CFAP69: variants seen among roughly 807,000 people sequenced by gnomAD.
CFAP69 encodes the protein cilia and flagella associated protein 69, also known as cilia- and flagella-associated protein 69.
CFAP69 carries 92 observed loss-of-function variants against 123.0 expected under a neutral mutation model. That is an observed-to-expected ratio of 0.75 (90% CI 0.63 to 0.89). CFAP69 has a LOEUF of 0.89. CFAP69 is among the 40% of genes least tolerant of loss of function. The probability of loss-of-function intolerance (pLI) is 0.00; values close to 1 mark genes in which losing one functional copy is unlikely to be tolerated. For synonymous variants in CFAP69, 380 were observed against 364.3 expected, an observed-to-expected ratio of 1.04 and a Z score of -0.49; for missense variants, 1,067 against 1,096.9, an observed-to-expected ratio of 0.97 and a Z score of 0.39.
intron 17 of CFAP69, chr7:90,303,513 A>G (rs1430794365): frequency 1.8e-5 from 17 of 925,454 alleles, no homozygotes; most frequent in Admixed American, 6.2e-5. Context: ...AAATGTAAAT[A>G]CTTCCCCTTC....
chr7:90,319,252 G>A, the CFAP69 span: 1 of 395,042 alleles, frequency 2.5e-6, no homozygotes, highest in East Asian at 3.6e-5. Flanking sequence ...ACTAAATATG[G>A]TAAATTTGCT....
At chr7:90,304,455 A>T in intron 18 of CFAP69, 1 of 1,216,194 alleles carries the variant, frequency 8.2e-7, no homozygotes, top group South Asian at 2.5e-5. Context: ...AGTTTATCAA[A>T]CACTCTTCAG....
At chr7:90,264,083 T>A (rs1798714155) in intron 4 of CFAP69, among the ~76,000 whole-genome samples, 2 of 88,436 alleles carry the variant, frequency 2.3e-5, no homozygotes. Flanking sequence ...AGAGCAAGAC[T>A]CCATCTCGAA....
intron 13 of CFAP69, among the ~76,000 whole-genome samples, chr7:90,285,127 G>A (rs1367713342): frequency 1.3e-5 from 2 of 152,124 alleles, no homozygotes; most frequent in Non-Finnish European, 2.9e-5. Flanking sequence ...GAAAGAAGAA[G>A]CAGAACTATG....
At chr7:90,285,599 A>G (rs1790155415) in intron 13 of CFAP69, among the ~76,000 whole-genome samples, 1 of 152,302 alleles carries the variant, frequency 6.6e-6, no homozygotes, top group Admixed American at 6.5e-5. Context: ...GTTAGACATC[A>G]AGGAAAGATG....
chr7:90,273,555 A>G (rs1157462935), intron 8 of CFAP69, among the ~76,000 whole-genome samples: 1 of 152,210 alleles, frequency 6.6e-6, no homozygotes, highest in East Asian at 1.9e-4. Context: ...GAATAGTATA[A>G]TATAAAAAGG....
Position 90,306,796 on chromosome 7 carries a change from T to TGTTCCTG in CFAP69, c.2266-105_2266-104insGTTCCTG, listed in dbSNP as rs1249797481. On this transcript the variant is annotated intron_variant, in intron 19 of 22. Coordinates refer to ENST00000389297, the MANE Select transcript of CFAP69 (RefSeq NM_001039706.3). ...TTCCCAGGAAGTAATTTAGGAAAAGTTTAAGTGTTAACAGGAGTGACTAAC... is the reference window on the plus strand; with the variant it reads ...TTCCCAGGAAGTAATTTAGGAAAAGTGTTCCTGTTAAGTGTTAACAGGAGTGACTAAC... 31 of 712,420 alleles carry TGTTCCTG rather than the reference T, an allele frequency of 4.4e-5. No individual in the cohort carries two copies. In the African/African-American group the frequency reaches 5.4e-4, roughly 13 times the overall value. 44.1% of individuals were successfully genotyped at this position (712,420 alleles called of 1,614,324 possible). A position where few individuals can be genotyped will look rare whatever the true frequency, so the allele number is the denominator to read the frequency against.
chr7:90,248,731 T>G (rs1402149556), intron 1 of CFAP69, among the ~76,000 whole-genome samples: 2 of 152,222 alleles, frequency 1.3e-5, no homozygotes, highest in African/African-American at 2.4e-5. Flanking sequence ...ACTGTAGTGA[T>G]TCCAGCGTCT....
chr7:90,303,790 G>A (rs1793158296), intron 17 of CFAP69, 179 bp from the exon 18 acceptor site: 1 of 1,183,548 alleles, frequency 8.4e-7, no homozygotes, highest in Non-Finnish European at 1.0e-6. Context: ...GCCACAGAGT[G>A]GGGAAGAAAT....
At chr7:90,283,586 C>A (rs886419458) in intron 13 of CFAP69, among the ~76,000 whole-genome samples, 1 of 152,060 alleles carries the variant, frequency 6.6e-6, no homozygotes, top group Admixed American at 6.6e-5. Flanking sequence ...TTACCCTATA[C>A]GTCATCAATT....
At chr7:90,303,692 T>C in intron 17 of CFAP69, 3 of 996,792 alleles carry the variant, frequency 3.0e-6, no homozygotes, top group Non-Finnish European at 3.6e-6. Flanking sequence ...TTTTTTAAAT[T>C]ATTTACATAG....
intron 13 of CFAP69, among the ~76,000 whole-genome samples, chr7:90,283,586 C>T (rs886419458): frequency 1.3e-5 from 2 of 152,178 alleles, no homozygotes; most frequent in East Asian, 1.9e-4. Context: ...TTACCCTATA[C>T]GTCATCAATT....
intron 5 of CFAP69, among the ~76,000 whole-genome samples, chr7:90,267,930 T>C (rs1050823660): frequency 1.3e-5 from 2 of 152,202 alleles, no homozygotes; most frequent in Non-Finnish European, 2.9e-5. Flanking sequence ...ACCTGCTTAA[T>C]AGATGAGAAA....
intron 8 of CFAP69, among the ~76,000 whole-genome samples, chr7:90,273,569 A>G (rs1176559016): frequency 2.6e-5 from 4 of 152,100 alleles, no homozygotes; most frequent in African/African-American, 9.7e-5. Context: ...AAAAAGGGAG[A>G]TTTTGTTGAT....
chr7:90,246,089 G>A (rs998923941), intron 1 of CFAP69, among the ~76,000 whole-genome samples: 5 of 152,184 alleles, frequency 3.3e-5, no homozygotes, highest in Admixed American at 1.3e-4. Context: ...GTTGTTACAC[G>A]TTGGGTCGGA....
At chr7:90,249,834 G>T (rs1796756827) in intron 1 of CFAP69, among the ~76,000 whole-genome samples, 1 of 152,068 alleles carries the variant, frequency 6.6e-6, no homozygotes, top group Non-Finnish European at 1.5e-5. Context: ...CTGCTAGTTG[G>T]AGGACCTCAT....
At position 90,280,363 on chromosome 7, in the gene CFAP69, A is replaced by C. The variant is rs539595566; in HGVS notation, c.1372+470A>C. 5.9e-5 allele frequency among the ~76,000 whole-genome samples: 9 copies of C among 152,202 alleles called. No individual in the cohort carries two copies. The East Asian group carries it at 1.7e-3, about 29-fold the overall frequency. On this transcript the variant is annotated intron_variant, in intron 12 of 22. Transcript: ENST00000389297. Reference sequence around the variant, plus strand: ...CAAGTTCATGCCACCACACGAAGCTAATTTTTGTATTTTATATAGACAGGG... The same window carrying C: ...CAAGTTCATGCCACCACACGAAGCTCATTTTTGTATTTTATATAGACAGGG...
At chr7:90,307,974 T>A in intron 21 of CFAP69, 120 bp downstream of exon 21, 2 of 569,742 alleles carry the variant, frequency 3.5e-6, no homozygotes, top group Non-Finnish European at 6.1e-6. Context: ...ATACCAGCAC[T>A]ATTAGATGCT....
chr7:90,309,258 C>A lies in CFAP69; in HGVS notation c.2551-5C>A. 1.4e-6 allele frequency: 2 copies of A among 1,396,392 alleles called. No individual in the cohort carries two copies. Among genetic ancestry groups the A allele is most frequent in the Admixed American group, 2.3e-5 (1 of 42,906 alleles). 86.5% of individuals were successfully genotyped at this position (1,396,392 alleles called of 1,614,324 possible). A position where few individuals can be genotyped will look rare whatever the true frequency, so the allele number is the denominator to read the frequency against. The stretch of plus-strand genomic sequence containing the variant: ...ATATTTTCTTTCTAATTTAAAAATC[C>A]TCAGAAAGCAAAAAGCCTTCAAGAA... On this transcript the variant is annotated splice_region_variant and splice_polypyrimidine_tract_variant and intron_variant, in intron 21 of 22. Coordinates refer to ENST00000389297, the MANE Select transcript of CFAP69 (RefSeq NM_001039706.3).
Sources: gnomAD v4.1 joint callset for allele counts (sites outside exome capture counted in the v4.1 genomes callset) on GRCh38, gnomAD v4.1.1 for gene constraint, MANE v1.5 for transcripts, NCBI Gene and HGNC (gene_info 2026-07-23, HGNC 2026-07-21) for gene names.